ZCCHC8: variants seen among roughly 807,000 people sequenced by gnomAD.
ZCCHC8 encodes the protein zinc finger CCHC-type containing 8, also known as zinc finger CCHC domain-containing protein 8.
ZCCHC8 carries 27 observed loss-of-function variants against 70.6 expected under a neutral mutation model. That is an observed-to-expected ratio of 0.38 (90% CI 0.28 to 0.53). ZCCHC8 has a LOEUF of 0.53. ZCCHC8 is among the 20% of genes least tolerant of loss of function. The pLI is 0.81. For missense variants in ZCCHC8, 737 were observed against 876.9 expected (o/e 0.84, Z 2.01); for synonymous variants, 293 against 317.4 (o/e 0.92, Z 0.82).
At position 122,472,882 on chromosome 12, in the gene ZCCHC8, A is replaced by C. The variant is rs1331733858; in HGVS notation, c.*615T>G. The C allele has an allele frequency of 6.6e-6, 1 of 152,188 alleles. No homozygotes were observed. The highest frequency in any genetic ancestry group is 1.5e-5 in the Non-Finnish European group (1 of 68,038). The allele number at this position is 152,188 out of a possible 1,614,324, so 9.4% of individuals were successfully genotyped here. ...ACCTGTGAATCACTTTTTTGTATTC[A>C]AAGTCTTAGATTATGTATATGAAAA... On this transcript the variant is annotated 3_prime_UTR_variant, in exon 14 of 14. Transcript: ENST00000633063.
chr12:122,489,191 G>A (rs1403289156), intron 5 of ZCCHC8, among the ~76,000 whole-genome samples, 195 bp downstream of exon 5: 2 of 152,226 alleles, frequency 1.3e-5, no homozygotes, highest in Non-Finnish European at 2.9e-5. Context: ...TATGTTTACT[G>A]TGCCCCAGGT....
At chr12:122,492,366 T>G in intron 3 of ZCCHC8, 1 of 189,106 alleles carries the variant, frequency 5.3e-6, no homozygotes, top group Non-Finnish European at 1.1e-5. Context: ...GTTACAGTGA[T>G]AGTGATGATT....
Position 122,474,045 on chromosome 12 carries a change from G to A in ZCCHC8, c.1576C>T (p.Arg526Trp), listed in dbSNP as rs538195616. The change falls in exon 14 of 14, where the codon CGG (arginine) becomes TGG (tryptophan). Residue 526 changes from arginine to tryptophan, a missense_variant. Physicochemically the swap from Arg to Trp is moderately radical, Grantham distance 101 (BLOSUM62 -3). Coordinates refer to ENST00000633063, the MANE Select transcript of ZCCHC8 (RefSeq NM_017612.5). ...GCCTGCTCAAGAGCTGCCCAGATCC[G>A]CCTCTGCTGTTCTTCAAGTTCTTCT... ...TLEELEEQQRRIWAALEQAES... is the reference protein window; with the variant it reads ...TLEELEEQQRWIWAALEQAES... The A allele has an allele frequency of 1.8e-5, 28 of 1,527,988 alleles. No individual in the cohort carries two copies. The African/African-American group carries it at 1.9e-4, about 11-fold the overall frequency. 94.7% of individuals were successfully genotyped at this position (1,527,988 alleles called of 1,614,324 possible).
rs1023032108 is a variant in ZCCHC8 at position 122,473,218 on chromosome 12, G to A, written c.*279C>T. ...AAGACAGATAAAAACCATCACTCTCGACGGATAGTCACAATCCAAAAATAG... is the reference window on the plus strand; with the variant it reads ...AAGACAGATAAAAACCATCACTCTCAACGGATAGTCACAATCCAAAAATAG... On this transcript the variant is annotated 3_prime_UTR_variant, in exon 14 of 14. Coordinates refer to ENST00000633063, the MANE Select transcript of ZCCHC8 (RefSeq NM_017612.5). The A allele has an allele frequency of 2.8e-6, 1 of 351,134 alleles. No individual in the cohort carries two copies. The highest frequency in any genetic ancestry group is 5.1e-6 in the Non-Finnish European group (1 of 194,424). 21.8% of individuals were successfully genotyped at this position (351,134 alleles called of 1,614,324 possible).
Position 122,473,562 on chromosome 12 carries a change from TG to T in ZCCHC8, c.2058del (p.Arg687GlyfsTer2), listed in dbSNP as rs1363739162. ...ENMAESTGMYLRIRSLLKNSP... is the reference protein window; with the variant it reads ...ENMAESTGMYXRIRSLLKNSP... ...GAGTTCTTTAACAAGCTTCTTATCC[TG>T]AGGTACATTCCAGTAGATTCTGCCA... On this transcript the variant is annotated frameshift_variant, in exon 14 of 14. Coordinates refer to ENST00000633063, the MANE Select transcript of ZCCHC8 (RefSeq NM_017612.5). LOFTEE classifies it high-confidence loss of function. The T allele has an allele frequency of 6.2e-7, 1 of 1,614,034 alleles. No homozygotes were observed. Among genetic ancestry groups the T allele is most frequent in the African/African-American group, 1.3e-5 (1 of 75,060 alleles).
rs769674185 is a variant in ZCCHC8, at chr12:122,473,459, C to A, written c.*38G>T. Reference sequence around the variant, plus strand: ...ACTTAATTAGTACTAATTAACGGAACAAAGTTATTAAATAGCTCTCAGTGC... The same window carrying A: ...ACTTAATTAGTACTAATTAACGGAAAAAAGTTATTAAATAGCTCTCAGTGC... On this transcript the variant is annotated 3_prime_UTR_variant, in exon 14 of 14. Transcript: ENST00000633063. 1 of 1,591,694 alleles carries A rather than the reference C, an allele frequency of 6.3e-7. No homozygotes were observed. Among genetic ancestry groups the A allele is most frequent in the South Asian group, 1.1e-5 (1 of 87,924 alleles).
intron 10 of ZCCHC8, chr12:122,480,796 G>A (rs1957518110): frequency 6.6e-6 from 1 of 152,650 alleles, no homozygotes; most frequent in African/African-American, 2.4e-5. Context: ...TTTTAGTAGA[G>A]GCCGGGTTTC....
At chr12:122,495,394 G>A (rs183361844) in intron 2 of ZCCHC8, among the ~76,000 whole-genome samples, 111 of 152,222 alleles carry the variant, frequency 7.3e-4, no homozygotes, top group Middle Eastern at 3.4e-3. Context: ...GGGAGACCTA[G>A]GTGAAGGAAT....
At chr12:122,484,936 C>A (rs146124378) in intron 5 of ZCCHC8, among the ~76,000 whole-genome samples, 55 of 152,262 alleles carry the variant, frequency 3.6e-4, no homozygotes, top group Non-Finnish European at 6.8e-4. Context: ...TCTCTTCTTT[C>A]CTTGCTGACT....
intron 2 of ZCCHC8, among the ~76,000 whole-genome samples, chr12:122,494,082 T>C (rs1957788893): frequency 6.6e-6 from 1 of 152,138 alleles, no homozygotes; most frequent in Non-Finnish European, 1.5e-5. Context: ...GATTTGACTT[T>C]CAAATACCGC....
chr12:122,485,974 A>G (rs576346810), intron 5 of ZCCHC8, among the ~76,000 whole-genome samples: 6 of 152,276 alleles, frequency 3.9e-5, no homozygotes, highest in Admixed American at 3.3e-4. Context: ...CCACGTTCTA[A>G]GCACTTCTCA....
chr12:122,498,869 T>C lies in ZCCHC8; in HGVS notation c.200A>G (p.Asn67Ser), dbSNP rs1234570703. ...EETIEQLRAENQELKRKLNIL... is the reference protein window; with the variant it reads ...EETIEQLRAESQELKRKLNIL... ...GTTCAATTTTCGTTTAAGTTCTTGA[T>C]GTTATTATTTGTTAAGGAAGATAAG... The change falls in exon 2 of 14, where the codon AAT (asparagine) becomes AGT (serine). Residue 67 changes from asparagine to serine, a missense_variant and splice_region_variant. Coordinates refer to ENST00000633063, the MANE Select transcript of ZCCHC8 (RefSeq NM_017612.5). 8 of 1,612,732 alleles carry C rather than the reference T, an allele frequency of 5.0e-6. No homozygotes were observed. The highest frequency in any genetic ancestry group is 4.4e-5 in the South Asian group (4 of 90,964).
Position 122,474,118 on chromosome 12 carries a change from G to T in ZCCHC8, c.1503C>A (p.Pro501=). The change falls in exon 14 of 14, where the codon CCC becomes CCA. Residue 501 remains proline (P), a synonymous_variant. Transcript: ENST00000633063. The part of the protein sequence containing the change: ...GTPPLTPSDS[P]QTRTASGAVD... The stretch of plus-strand genomic sequence containing the variant: ...CAGCTCCAGATGCTGTTCTGGTCTG[G>T]GGTGAGTCACTGGGAGTCAGCGGCG... The T allele has an allele frequency of 1.3e-6, 2 of 1,513,156 alleles. No homozygotes were observed. The highest frequency in any genetic ancestry group is 2.4e-5 in the Admixed American group (1 of 42,164). The allele number at this position is 1,513,156 out of a possible 1,614,324, so 93.7% of individuals were successfully genotyped here.
intron 2 of ZCCHC8, among the ~76,000 whole-genome samples, chr12:122,494,091 G>A (rs916558498): frequency 1.7e-4 from 26 of 152,192 alleles, no homozygotes; most frequent in African/African-American, 5.8e-4. Flanking sequence ...TTCAAATACC[G>A]CAAAAAACAG....
chr12:122,496,262 T>C (rs1344143124), intron 2 of ZCCHC8, among the ~76,000 whole-genome samples: 1 of 152,216 alleles, frequency 6.6e-6, no homozygotes, highest in Admixed American at 6.5e-5. Flanking sequence ...GCACAAATTT[T>C]ATCTAAATAA....
chr12:122,500,901 G>T lies in ZCCHC8; in HGVS notation c.-61C>A. 6.6e-7 allele frequency: 1 copy of T among 1,522,222 alleles called. No individual in the cohort carries two copies. Among genetic ancestry groups the T allele is most frequent in the South Asian group, 1.2e-5 (1 of 83,222 alleles). The allele number at this position is 1,522,222 out of a possible 1,614,324, so 94.3% of individuals were successfully genotyped here. A position where few individuals can be genotyped will look rare whatever the true frequency, so the allele number is the denominator to read the frequency against. On this transcript the variant is annotated 5_prime_UTR_variant, in exon 1 of 14. Coordinates refer to ENST00000633063, the MANE Select transcript of ZCCHC8 (RefSeq NM_017612.5). This position sits in a 1 kb window ranked among gnomAD's most constrained non-coding sequence, Gnocchi z 4.8. ...CCGGCCACCAGGGCTTGGGGAAGAAGGTTGGAAGGCGGCACCACTCTCTAG... is the reference window on the plus strand; with the variant it reads ...CCGGCCACCAGGGCTTGGGGAAGAATGTTGGAAGGCGGCACCACTCTCTAG...
chr12:122,494,630 T>C (rs959104874), intron 2 of ZCCHC8, among the ~76,000 whole-genome samples: 2 of 149,158 alleles, frequency 1.3e-5, no homozygotes, highest in African/African-American at 2.5e-5. Context: ...CCGAGGCGGG[T>C]GGATCACAAG....
chr12:122,490,507 C>T lies in ZCCHC8; in HGVS notation c.378G>A (p.Gln126=), dbSNP rs756924629. 1 of 1,612,824 alleles carries T rather than the reference C, an allele frequency of 6.2e-7. No individual in the cohort carries two copies. Among genetic ancestry groups the T allele is most frequent in the South Asian group, 1.1e-5 (1 of 90,930 alleles). The change falls in exon 4 of 14, where the codon CAG becomes CAA. Residue 126 remains glutamine (Q), a synonymous_variant. Transcript: ENST00000633063. ...VSNLVKRFEE[Q]QKNDVEKTSF... Reference sequence around the variant, plus strand: ...AAGTCTTTTCCACATCATTTTTCTGCTGTTCCTCAAATCTTTTTACTAAAT... The same window carrying T: ...AAGTCTTTTCCACATCATTTTTCTGTTGTTCCTCAAATCTTTTTACTAAAT...
chr12:122,477,593 G>T (rs541212439), intron 13 of ZCCHC8, among the ~76,000 whole-genome samples: 1 of 147,518 alleles, frequency 6.8e-6, no homozygotes, highest in Admixed American at 6.8e-5. Context: ...GACCAGCCTG[G>T]TCAAGATGGT....
Sources: gnomAD v4.1 joint callset for allele counts (sites outside exome capture counted in the v4.1 genomes callset) on GRCh38, gnomAD v4.1.1 for gene constraint, Gnocchi (gnomAD v3.1) non-coding constraint, MANE v1.5 for transcripts, NCBI Gene and HGNC (gene_info 2026-07-23, HGNC 2026-07-21) for gene names.